Variants in MROH1 observed in about 807,000 individuals in gnomAD.
MROH1 encodes maestro heat like repeat family member 1, also known as maestro heat-like repeat-containing protein family member 1.
In MROH1, 117 loss-of-function variants were observed where a neutral mutation model predicts 116.5. That is an observed-to-expected ratio of 1.00 (90% CI 0.86 to 1.17). MROH1 has a LOEUF of 1.17. Ranked by LOEUF, MROH1 falls within the 50% of genes most tolerant of loss-of-function variation. MROH1 has a pLI of 0.00. For missense variants in MROH1, 1,873 were observed against 1,338.5 expected (o/e 1.40, Z -6.23); for synonymous variants, 921 against 583.9 (o/e 1.58, Z -8.32).
chr8:144,253,718 C>T (rs902307183), intron 33 of MROH1, among the ~76,000 whole-genome samples: 20 of 151,916 alleles, frequency 1.3e-4, no homozygotes, highest in Admixed American at 1.2e-3. Flanking sequence ...ACACACTGTC[C>T]GCCTTTGTTT....
At chr8:144,215,075 T>A (rs1195938267) in intron 12 of MROH1, among the ~76,000 whole-genome samples, 2 of 152,194 alleles carry the variant, frequency 1.3e-5, no homozygotes, top group African/African-American at 4.8e-5. Flanking sequence ...GGGTCTGCCT[T>A]TCCCAGTCCA....
rs775032751 is a variant in MROH1, at chr8:144,180,186, C to T, written c.309C>T (p.Val103=). 5 of 1,613,766 alleles carry T rather than the reference C, an allele frequency of 3.1e-6. No individual in the cohort carries two copies. The highest frequency in any genetic ancestry group is 4.2e-6 in the Non-Finnish European group (5 of 1,179,834). Residue 103 remains valine, a synonymous_variant, in exon 6 of 44, where the codon GTC becomes GTT. Transcript: ENST00000326134. The surrounding 1 kb of genome is among the most constrained non-coding windows in gnomAD (Gnocchi z 7.4). Reference sequence around the variant, plus strand: ...CGGTGTTTTGGGTTCAGGACCTGGTCTGGGACTGGCAGCAGGCGGCGAGTG... The same window carrying T: ...CGGTGTTTTGGGTTCAGGACCTGGTTTGGGACTGGCAGCAGGCGGCGAGTG... ...SSEMTKTKDL[V]WDWQQAASGV...
intron 14 of MROH1, among the ~76,000 whole-genome samples, chr8:144,236,557 A>T (rs113815261): frequency 1.3e-5 from 2 of 151,968 alleles, no homozygotes; most frequent in African/African-American, 4.8e-5. Context: ...CCTGGCCAAC[A>T]TGGTGAAACC....
intron 4 of MROH1, among the ~76,000 whole-genome samples, chr8:144,174,649 T>C (rs1823374601): frequency 6.6e-6 from 1 of 152,042 alleles, no homozygotes; most frequent in Non-Finnish European, 1.5e-5. Context: ...ACCTGGCTAA[T>C]TGTTTTTATT....
chr8:144,207,217 C>A (rs538535994), intron 12 of MROH1, among the ~76,000 whole-genome samples: 1 of 151,332 alleles, frequency 6.6e-6, no homozygotes. Flanking sequence ...GAGATGGAGT[C>A]GTGCTCTGTC....
At position 144,243,893 on chromosome 8, in the gene MROH1, T is replaced by C. The variant is rs926336662; in HGVS notation, c.2506T>C (p.Leu836=). 0.033 allele frequency: 25,374 copies of C among 780,386 alleles called. 4,205 individuals carry two copies. In the African/African-American group the frequency reaches 0.37, roughly 11 times the overall value. The allele number at this position is 780,386 out of a possible 1,614,324, so 48.3% of individuals were successfully genotyped here. The change falls in exon 26 of 44, where the codon TTG becomes CTG. Residue 836 remains leucine (L), a synonymous_variant. Transcript: ENST00000326134. Reference sequence around the variant, plus strand: ...CATCAGGGCAGAGCCCCCGGACTCCTTGAGGACACCTATTCGGAAGAAAGC... The same window carrying C: ...CATCAGGGCAGAGCCCCCGGACTCCCTGAGGACACCTATTCGGAAGAAAGC... ...EFIRAEPPDS[L]RTPIRKKAML...
intron 35 of MROH1, among the ~76,000 whole-genome samples, chr8:144,257,638 G>A (rs896224704): frequency 6.6e-5 from 10 of 152,158 alleles, no homozygotes; most frequent in Non-Finnish European, 1.2e-4. Context: ...CCATCCAGGC[G>A]AGTAGGGCCT....
intron 14 of MROH1, among the ~76,000 whole-genome samples, chr8:144,229,064 T>C (rs951640192): frequency 6.5e-4 from 99 of 152,318 alleles, no homozygotes; most frequent in African/African-American, 2.2e-3. Flanking sequence ...CCATTCCGGT[T>C]TGATCATGAG....
intron 7 of MROH1, among the ~76,000 whole-genome samples, chr8:144,181,395 G>T (rs1426054851): frequency 6.6e-6 from 1 of 150,934 alleles, no homozygotes; most frequent in East Asian, 1.9e-4. Context: ...GGCTGGGCTG[G>T]GCTCTGTAGA....
At chr8:144,181,343 C>T (rs1020954483) in intron 7 of MROH1, among the ~76,000 whole-genome samples, 3 of 43,182 alleles carry the variant, frequency 6.9e-5, no homozygotes, top group Admixed American at 2.4e-4. Flanking sequence ...TGGTGGGGCC[C>T]GGGCAGGGCA....
At chr8:144,179,666 A>G (rs1825039797) in intron 5 of MROH1, 80 bp downstream of exon 5, 8 of 1,526,048 alleles carry the variant, frequency 5.2e-6, no homozygotes, top group Non-Finnish European at 8.9e-7. Flanking sequence ...TCTACCCAGC[A>G]GCCTTGAGAG....
intron 24 of MROH1, among the ~76,000 whole-genome samples, chr8:144,243,117 G>T (rs1289131765): frequency 6.6e-6 from 1 of 152,272 alleles, no homozygotes; most frequent in Admixed American, 6.5e-5. Context: ...CCTCTCTCAG[G>T]ACAGTCAGCC....
chr8:144,258,659 C>T, intron 35 of MROH1, 118 bp from the exon 36 acceptor site: 2 of 685,140 alleles, frequency 2.9e-6, no homozygotes, highest in Non-Finnish European at 5.3e-6. Flanking sequence ...GTGGCTCTGG[C>T]AGGGATAGGG....
In MROH1 at chr8:144,260,889, C is replaced by CA; in HGVS notation, c.4537-17dup. The stretch of plus-strand genomic sequence containing the variant: ...GGGTGGCCTCAACTGGACTTGGCCC[C>CA]AGTGCCGCATCCCTTAGGCCTGCAG... On this transcript the variant is annotated splice_polypyrimidine_tract_variant and intron_variant, in intron 40 of 43. Transcript: ENST00000326134. 1.3e-6 allele frequency: 1 copy of CA among 777,582 alleles called. No homozygotes were observed. The highest frequency in any genetic ancestry group is 1.3e-5 in the South Asian group (1 of 74,548). The allele number at this position is 777,582 out of a possible 1,614,324, so 48.2% of individuals were successfully genotyped here.
chr8:144,254,425 G>A (rs1843344030), intron 33 of MROH1: 1 of 184,898 alleles, frequency 5.4e-6, no homozygotes, highest in Non-Finnish European at 1.1e-5. Flanking sequence ...GAGTGTTCTT[G>A]GCAGCACTGC....
chr8:144,148,335 C>T (rs1270951367), intron 1 of MROH1, among the ~76,000 whole-genome samples: 1 of 152,170 alleles, frequency 6.6e-6, no homozygotes, highest in Non-Finnish European at 1.5e-5. Context: ...GCCGCTAAGT[C>T]GTCTCGGCCG....
At chr8:144,192,269 G>A (rs1828814630) in intron 9 of MROH1, 40 bp from the exon 10 acceptor site, 2 of 1,524,962 alleles carry the variant, frequency 1.3e-6, no homozygotes, top group African/African-American at 1.4e-5. Flanking sequence ...TCGGGCGGCT[G>A]GAGGTAGGAC....
rs529625480 is a variant in MROH1 at position 144,218,615 on chromosome 8, C to T, written c.1142-1985C>T. Among the ~76,000 whole-genome samples, 5 of 148,468 alleles carry T rather than the reference C, an allele frequency of 3.4e-5. No individual in the cohort carries two copies. The East Asian group carries it at 1.0e-3, about 30-fold the overall frequency. Reference sequence around the variant, plus strand: ...CATACTATTTTGATTAACAGAAATTCTGAACTTCACTGAACTTCAGTGGTC... The same window carrying T: ...CATACTATTTTGATTAACAGAAATTTTGAACTTCACTGAACTTCAGTGGTC... On this transcript the variant is annotated intron_variant, in intron 12 of 43. Transcript: ENST00000326134.
At chr8:144,156,623 C>T (rs1319769331) in intron 1 of MROH1, among the ~76,000 whole-genome samples, 1 of 137,448 alleles carries the variant, frequency 7.3e-6, no homozygotes, top group African/African-American at 2.7e-5. Context: ...GCAGAAGAAT[C>T]GCTTGAATGT....
Sources: gnomAD v4.1 joint callset for allele counts (sites outside exome capture counted in the v4.1 genomes callset) on GRCh38, gnomAD v4.1.1 for gene constraint, Gnocchi (gnomAD v3.1) non-coding constraint, MANE v1.5 for transcripts, NCBI Gene and HGNC (gene_info 2026-07-23, HGNC 2026-07-21) for gene names.